Variants in GFRA2 observed in about 807,000 individuals in gnomAD.
GFRA2 encodes the protein GDNF family receptor alpha 2, also known as GDNF family receptor alpha-2.
GFRA2 carries 17 observed loss-of-function variants against 48.3 expected under a neutral mutation model. That is an observed-to-expected ratio of 0.35 (90% CI 0.24 to 0.53). The LOEUF (loss-of-function observed/expected upper bound fraction) is 0.53. GFRA2 is among the 20% of genes least tolerant of loss of function. The pLI is 0.93. For synonymous variants in GFRA2, 305 were observed against 257.2 expected, an observed-to-expected ratio of 1.19 and a Z score of -1.78; for missense variants, 660 against 637.3, an observed-to-expected ratio of 1.04 and a Z score of -0.38.
chr8:21,706,003 G>A lies in GFRA2; in HGVS notation c.833C>T (p.Ser278Phe). 1 of 1,580,070 alleles carries A rather than the reference G, an allele frequency of 6.3e-7. No individual in the cohort carries two copies. The highest frequency in any genetic ancestry group is 1.3e-5 in the African/African-American group (1 of 74,382). The change falls in exon 5 of 9, where the codon TCC becomes TTC. Residue 278 changes from serine (S) to phenylalanine (F), a missense_variant. Coordinates refer to ENST00000524240, the MANE Select transcript of GFRA2 (RefSeq NM_001495.5). ...AGGGCAGCTGGTGACCGTCTGGTAG[G>A]AGGCTCGACAATTGGCATGGAAGTC... The part of the protein sequence containing the change: ...LADFHANCRA[S>F]YQTVTSCPAD...
At chr8:21,706,793 C>A (rs1322543513) in intron 4 of GFRA2, among the ~76,000 whole-genome samples, 1 of 152,196 alleles carries the variant, frequency 6.6e-6, no homozygotes. Flanking sequence ...GGGCCATGAG[C>A]CACTTGAAGG....
At chr8:21,708,109 G>GGC (rs775350781) in intron 4 of GFRA2, among the ~76,000 whole-genome samples, 81 of 152,218 alleles carry the variant, frequency 5.3e-4, no homozygotes, top group Non-Finnish European at 9.8e-4. Context: ...GTGCTCCTGT[G>GGC]TTGCAGGAGG....
At chr8:21,733,644 G>A (rs1174832709) in intron 4 of GFRA2, among the ~76,000 whole-genome samples, 3 of 152,214 alleles carry the variant, frequency 2.0e-5, no homozygotes, top group East Asian at 1.9e-4. Flanking sequence ...TCTAGTTAAA[G>A]TACATCTCTC....
At chr8:21,725,929 A>C (rs1303467551) in intron 4 of GFRA2, among the ~76,000 whole-genome samples, 1 of 152,218 alleles carries the variant, frequency 6.6e-6, no homozygotes, top group Non-Finnish European at 1.5e-5. Flanking sequence ...GACAGTCACA[A>C]GGGCAGAGCC....
At chr8:21,743,920 T>C (rs1003601470) in intron 4 of GFRA2, among the ~76,000 whole-genome samples, 14 of 152,202 alleles carry the variant, frequency 9.2e-5, no homozygotes, top group Admixed American at 7.2e-4. Flanking sequence ...AACAAATTTC[T>C]TTCTAGAAAA....
intron 6 of GFRA2, among the ~76,000 whole-genome samples, chr8:21,703,942 C>T (rs1212642062): frequency 6.6e-6 from 1 of 152,254 alleles, no homozygotes; most frequent in Non-Finnish European, 1.5e-5. Context: ...CTGATCTGAT[C>T]TCACACCCTT....
intron 4 of GFRA2, among the ~76,000 whole-genome samples, chr8:21,738,128 G>T (rs868273776): frequency 6.9e-6 from 1 of 144,838 alleles, no homozygotes; most frequent in Non-Finnish European, 1.5e-5. Flanking sequence ...GCCAGACAAG[G>T]ACCACCATCT....
At chr8:21,707,654 G>A (rs1462794503) in intron 4 of GFRA2, among the ~76,000 whole-genome samples, 1 of 152,208 alleles carries the variant, frequency 6.6e-6, no homozygotes, top group Non-Finnish European at 1.5e-5. Context: ...GGGAGACCAT[G>A]CCCAAGTTCC....
chr8:21,760,314 AC>A (rs1300773806), intron 3 of GFRA2, among the ~76,000 whole-genome samples: 1 of 152,148 alleles, frequency 6.6e-6, no homozygotes, highest in Non-Finnish European at 1.5e-5. Context: ...AGAAAAGGAG[AC>A]CAGTCACAGG....
chr8:21,730,131 G>A (rs1340344249), intron 4 of GFRA2, among the ~76,000 whole-genome samples: 6 of 152,120 alleles, frequency 3.9e-5, no homozygotes, highest in African/African-American at 7.2e-5. Flanking sequence ...CCGGCCAGGC[G>A]CGGTGGCTCG....
intron 2 of GFRA2, among the ~76,000 whole-genome samples, chr8:21,778,870 A>G (rs924772869): frequency 5.6e-4 from 85 of 151,854 alleles, no homozygotes; most frequent in African/African-American, 2.0e-3. Context: ...CTGCGATAAC[A>G]GAGCAAGACT....
chr8:21,787,619 G>C (rs1807346797), intron 1 of GFRA2, among the ~76,000 whole-genome samples: 2 of 152,164 alleles, frequency 1.3e-5, no homozygotes, highest in African/African-American at 2.4e-5. Flanking sequence ...CTCCCCGCGC[G>C]ATGTCCAAGC....
chr8:21,718,873 C>T (rs1452653735), intron 4 of GFRA2, among the ~76,000 whole-genome samples: 1 of 152,168 alleles, frequency 6.6e-6, no homozygotes, highest in Non-Finnish European at 1.5e-5. Context: ...TGGTTTTTCC[C>T]TTCTGCCGTG....
chr8:21,746,327 G>A (rs368756654), intron 4 of GFRA2, among the ~76,000 whole-genome samples: 204 of 152,276 alleles, frequency 1.3e-3, no homozygotes, highest in African/African-American at 4.6e-3. Context: ...CTCCATGCTC[G>A]TGCCAGACTC....
chr8:21,790,910 C>A (rs1807561231), upstream of GFRA2, among the ~76,000 whole-genome samples: 1 of 152,320 alleles, frequency 6.6e-6, no homozygotes, highest in South Asian at 2.1e-4. Context: ...CACTGCCAGG[C>A]AGGCTTGGCC....
chr8:21,711,689 T>TTTTTTTTGTTTTTC (rs1803038151), intron 4 of GFRA2, among the ~76,000 whole-genome samples: 1 of 133,754 alleles, frequency 7.5e-6, no homozygotes, highest in African/African-American at 3.0e-5. Flanking sequence ...ACAGTTTTTC[T>TTTTTTTTGTTTTTC]TTTTTTTTTT....
At chr8:21,748,603 C>T (rs987202619) in intron 4 of GFRA2, among the ~76,000 whole-genome samples, 3 of 152,142 alleles carry the variant, frequency 2.0e-5, no homozygotes, top group African/African-American at 7.2e-5. Flanking sequence ...AGCTGGAATC[C>T]GACTCTGAAA....
In GFRA2 at chr8:21,796,789, A is replaced by T. The variant is rs1807684789; in HGVS notation, c.-36+8228T>A. Among the ~76,000 whole-genome samples, 3 of 152,200 alleles carry T rather than the reference A, an allele frequency of 2.0e-5. No individual in the cohort carries two copies. In the South Asian group the frequency reaches 6.2e-4, roughly 31 times the overall value. ...ACCCTGGGTGGCAGAGCAATGTTTA[A>T]CCTCAAAGAATGAATTGCTAATGGT... On this transcript the variant is annotated intron_variant, in intron 2 of 10. Transcript: ENST00000517328.
chr8:21,700,462 C>A (rs906567039), intron 7 of GFRA2, among the ~76,000 whole-genome samples: 1 of 152,198 alleles, frequency 6.6e-6, no homozygotes, highest in Non-Finnish European at 1.5e-5. Flanking sequence ...CTCCCACAGC[C>A]CCACTGAACA....
Sources: gnomAD v4.1 joint callset for allele counts (sites outside exome capture counted in the v4.1 genomes callset) on GRCh38, gnomAD v4.1.1 for gene constraint, MANE v1.5 for transcripts, NCBI Gene and HGNC (gene_info 2026-07-23, HGNC 2026-07-21) for gene names.